Variants in RAB2A observed in about 807,000 individuals in gnomAD.
RAB2A encodes RAB2A, member RAS oncogene family.
Under a neutral mutation model 32.5 loss-of-function variants are expected in RAB2A, and 7 were observed. That is an observed-to-expected ratio of 0.22 (90% CI 0.12 to 0.40). The LOEUF is 0.40. Among genes scored for constraint, RAB2A ranks in the 10% least tolerant of loss-of-function variants. The pLI is 1.00. For synonymous variants in RAB2A, 79 were observed against 85.2 expected, an observed-to-expected ratio of 0.93 and a Z score of 0.40; for missense variants, 108 against 260.7, an observed-to-expected ratio of 0.41 and a Z score of 4.03.
At chr8:60,533,235 AG>A (rs1407295361) in intron 1 of RAB2A, among the ~76,000 whole-genome samples, 2 of 152,248 alleles carry the variant, frequency 1.3e-5, no homozygotes, top group African/African-American at 4.8e-5. Context: ...GTGAAAGTAT[AG>A]TGTATGGATA....
chr8:60,548,464 G>A (rs1424562220), intron 1 of RAB2A, among the ~76,000 whole-genome samples: 5 of 49,256 alleles, frequency 1.0e-4, no homozygotes, highest in East Asian at 8.3e-4. Flanking sequence ...AGGGGCGGCC[G>A]GGCAGAGGCG....
chr8:60,590,302 T>G (rs1268376495), intron 5 of RAB2A, among the ~76,000 whole-genome samples: 1 of 151,834 alleles, frequency 6.6e-6, no homozygotes, highest in Non-Finnish European at 1.5e-5. Context: ...TATTTCCTAC[T>G]GAGTGATTTT....
intron 1 of RAB2A, 93 bp from the exon 2 acceptor site, chr8:60,558,759 A>G (rs1446511485): frequency 1.9e-6 from 2 of 1,046,494 alleles, no homozygotes; most frequent in Non-Finnish European, 1.5e-6. Context: ...ACAGTGCACC[A>G]GAAACCCTGG....
chr8:60,618,971 C>G (rs906830762), intron 7 of RAB2A: 1 of 152,622 alleles, frequency 6.6e-6, no homozygotes, highest in Admixed American at 6.5e-5. Context: ...CTTTTATCCA[C>G]ATGACCATAT....
At chr8:60,558,799 G>C (rs1339334489) in intron 1 of RAB2A, 53 bp from the exon 2 acceptor site, 1 of 1,444,230 alleles carries the variant, frequency 6.9e-7, no homozygotes, top group Non-Finnish European at 9.7e-7. Flanking sequence ...TTTTTGTAAA[G>C]CATCTTAATT....
At chr8:60,567,061 T>TAAGC (rs1217669295) in intron 2 of RAB2A, among the ~76,000 whole-genome samples, 3 of 152,122 alleles carry the variant, frequency 2.0e-5, no homozygotes, top group African/African-American at 7.2e-5. Flanking sequence ...CCCCTGTATG[T>TAAGC]AAGCAAGCAA....
chr8:60,598,937 C>CAAAAAAAAAAAAAA lies in RAB2A; in HGVS notation c.474+6984_474+6997dup, dbSNP rs56406651. Among the ~76,000 whole-genome samples the CAAAAAAAAAAAAAA allele has an allele frequency of 3.0e-4, 12 of 40,386 alleles. 1 individual carries two copies. Among genetic ancestry groups the CAAAAAAAAAAAAAA allele is most frequent in the Non-Finnish European group, 3.6e-4 (7 of 19,640 alleles). The allele number at this position is 40,386 out of a possible 152,430, so 26.5% of individuals were successfully genotyped here. ...GGAAGTTCTAGCCAGTGCAGTAAAGCAAAAAAAAAAAAAAAAAAAAAAAAA... is the reference window on the plus strand; with the variant it reads ...GGAAGTTCTAGCCAGTGCAGTAAAGCAAAAAAAAAAAAAAAAAAAAAAAAAAAAAAAAAAAAAAA... On this transcript the variant is annotated intron_variant, in intron 6 of 7. Transcript: ENST00000262646.
At chr8:60,570,444 T>G (rs920874482) in intron 2 of RAB2A, among the ~76,000 whole-genome samples, 10 of 152,172 alleles carry the variant, frequency 6.6e-5, no homozygotes, top group Non-Finnish European at 1.3e-4. Context: ...GTATCTTACT[T>G]AGCAGCTGGT....
intron 2 of RAB2A, among the ~76,000 whole-genome samples, chr8:60,566,274 C>G (rs1808111846): frequency 6.6e-6 from 1 of 152,178 alleles, no homozygotes; most frequent in Non-Finnish European, 1.5e-5. Flanking sequence ...CTTGCTTCTA[C>G]TGCAGCTCAT....
chr8:60,560,927 A>C (rs1298751793), intron 2 of RAB2A, among the ~76,000 whole-genome samples: 1 of 152,188 alleles, frequency 6.6e-6, no homozygotes, highest in South Asian at 2.1e-4. Context: ...TGTAACTCAT[A>C]TAAACTGCCA....
chr8:60,518,522 G>A (rs933242512), intron 1 of RAB2A, among the ~76,000 whole-genome samples: 1 of 150,050 alleles, frequency 6.7e-6, no homozygotes, highest in Non-Finnish European at 1.5e-5. Context: ...CGGGCGTCGT[G>A]GCAGGCGCCT....
chr8:60,557,501 G>T (rs148891555), intron 1 of RAB2A, among the ~76,000 whole-genome samples: 6 of 152,246 alleles, frequency 3.9e-5, no homozygotes, highest in African/African-American at 1.4e-4. Context: ...GGGTGACAGA[G>T]CAAAACTTCA....
chr8:60,518,521 T>TGGCA (rs1807248029), intron 1 of RAB2A, among the ~76,000 whole-genome samples: 1 of 127,742 alleles, frequency 7.8e-6, no homozygotes, highest in South Asian at 2.6e-4. Context: ...CCGGGCGTCG[T>TGGCA]GGCAGGCGCC....
intron 1 of RAB2A, among the ~76,000 whole-genome samples, chr8:60,531,686 A>G (rs1457552504): frequency 6.6e-6 from 1 of 152,084 alleles, no homozygotes; most frequent in African/African-American, 2.4e-5. Context: ...GTTCTTTTCC[A>G]TCTCAGATGT....
At chr8:60,616,164 ATAAAG>A (rs1804444838) in intron 6 of RAB2A, among the ~76,000 whole-genome samples, 1 of 152,234 alleles carries the variant, frequency 6.6e-6, no homozygotes, top group Admixed American at 6.5e-5. Flanking sequence ...AAAGTGCTTA[ATAAAG>A]TATTCAGTAC....
chr8:60,579,451 A>G (rs1392459264), intron 3 of RAB2A, among the ~76,000 whole-genome samples: 1 of 152,360 alleles, frequency 6.6e-6, no homozygotes, highest in African/African-American at 2.4e-5. Context: ...CTGTTCACTT[A>G]GGCAATCATT....
chr8:60,516,940 C>T (rs1020972082), upstream of RAB2A: 1 of 350,654 alleles, frequency 2.9e-6, no homozygotes, highest in Non-Finnish European at 5.2e-6. Context: ...GGCCGCAGAA[C>T]TTCCGGGTCG....
At position 60,591,397 on chromosome 8, in the gene RAB2A, A is replaced by G. The variant is rs114443733; in HGVS notation, c.363-461A>G. 5.4e-3 allele frequency among the ~76,000 whole-genome samples: 820 copies of G among 152,192 alleles called. 7 individuals carry two copies. Among genetic ancestry groups the G allele is most frequent in the African/African-American group, 0.019 (775 of 41,536 alleles). On this transcript the variant is annotated intron_variant, in intron 5 of 7. Transcript: ENST00000262646. ...TAAACAAACTGGGATCAATGATGTA[A>G]TGTATCTTTAGTACTTTGGATTTTC...
At position 60,620,721 on chromosome 8, in the gene RAB2A, A is replaced by G. The variant is rs1563489572; in HGVS notation, c.591A>G (p.Thr197=). The stretch of plus-strand genomic sequence containing the variant: ...CTCAGCATGCTGCTACCAATGCAAC[A>G]CATGCAGGCAATCAGGGAGGACAGC... The part of the protein sequence containing the change: ...IGPQHAATNA[T]HAGNQGGQQA... The change falls in exon 8 of 8, where the codon ACA becomes ACG. Residue 197 remains threonine, a synonymous_variant. Coordinates refer to ENST00000262646, the MANE Select transcript of RAB2A (RefSeq NM_002865.3). 2 of 1,613,974 alleles carry G rather than the reference A, an allele frequency of 1.2e-6. No individual in the cohort carries two copies. Among genetic ancestry groups the G allele is most frequent in the Non-Finnish European group, 1.7e-6 (2 of 1,179,998 alleles).
Sources: allele counts gnomAD v4.1 joint callset (sites outside exome capture counted in the v4.1 genomes callset), GRCh38; gene constraint gnomAD v4.1.1; transcripts MANE v1.5; gene names NCBI Gene and HGNC (gene_info 2026-07-23, HGNC 2026-07-21).